COQ8B: variants seen among roughly 807,000 people sequenced by gnomAD.
COQ8B encodes the protein coenzyme Q8B.
COQ8B carries 44 observed loss-of-function variants against 62.0 expected under a neutral mutation model. The observed-to-expected ratio is 0.71, with a 90% CI of 0.56 to 0.91. COQ8B has a LOEUF of 0.91. Ranked by LOEUF, COQ8B falls within the 40% of genes least tolerant of loss-of-function variation. The pLI is 0.00. For missense variants in COQ8B, 649 were observed against 731.6 expected (o/e 0.89, Z 1.30); for synonymous variants, 252 against 289.9 (o/e 0.87, Z 1.33).
rs910035965 is a variant in COQ8B, at chr19:40,703,346, A to T, written c.799+195T>A. On this transcript the variant is annotated intron_variant, in intron 9 of 14. Coordinates refer to ENST00000324464, the MANE Select transcript of COQ8B (RefSeq NM_024876.4). ...TCCCGTCTCTCTAAGGCTCTGTTAA[A>T]ATCCATAAGGCTTTTCCCACACCTG... 2.0e-5 allele frequency: 12 copies of T among 596,122 alleles called. No individual in the cohort carries two copies. In the East Asian group the frequency reaches 3.5e-4, roughly 18 times the overall value. 36.9% of individuals were successfully genotyped at this position (596,122 alleles called of 1,614,324 possible).
At chr19:40,700,261 C>T in intron 11 of COQ8B, 49 bp downstream of exon 11, 1 of 1,610,792 alleles carries the variant, frequency 6.2e-7, no homozygotes, top group Non-Finnish European at 8.5e-7. Context: ...GAGCCTGGCC[C>T]ACCCGCCCTG....
intron 5 of COQ8B, among the ~76,000 whole-genome samples, chr19:40,708,656 G>A (rs1021273059): frequency 3.3e-5 from 5 of 152,056 alleles, no homozygotes; most frequent in Non-Finnish European, 5.9e-5. Context: ...GGCTGGGTGT[G>A]GTGGCTCATG....
At chr19:40,701,450 G>A (rs996352222) in intron 10 of COQ8B, 1 of 152,240 alleles carries the variant, frequency 6.6e-6, no homozygotes, top group African/African-American at 2.4e-5. Context: ...GGTGGTGTGG[G>A]GTTTTATCCT....
chr19:40,700,531 C>A, intron 10 of COQ8B, 80 bp from the exon 11 acceptor site: 1 of 1,520,074 alleles, frequency 6.6e-7, no homozygotes, highest in Non-Finnish European at 8.9e-7. Flanking sequence ...CTTGTGCTCT[C>A]AGAAGTCCTC....
chr19:40,693,865 G>A (rs2081993076), intron 13 of COQ8B, among the ~76,000 whole-genome samples: 1 of 147,878 alleles, frequency 6.8e-6, no homozygotes, highest in East Asian at 2.0e-4. Context: ...GGAGTAGGGA[G>A]TGGAACCGGG....
intron 13 of COQ8B, among the ~76,000 whole-genome samples, chr19:40,694,038 G>A (rs1218506467): frequency 6.6e-6 from 1 of 152,230 alleles, no homozygotes; most frequent in African/African-American, 2.4e-5. Context: ...TGCAGGCCTG[G>A]GTGGGAGGGG....
intron 7 of COQ8B, 199 bp downstream of exon 7, chr19:40,704,897 C>T (rs2082088452): frequency 1.8e-6 from 1 of 552,490 alleles, no homozygotes; most frequent in Non-Finnish European, 3.2e-6. Context: ...GGAACTGAAG[C>T]ACAGAGAGGT....
At chr19:40,712,833 T>C (rs2082152843) in intron 4 of COQ8B, among the ~76,000 whole-genome samples, 1 of 152,192 alleles carries the variant, frequency 6.6e-6, no homozygotes, top group South Asian at 2.1e-4. Flanking sequence ...TTTGTTAGCC[T>C]CAATGTCCTC....
chr19:40,707,585 C>T (rs1490801043), intron 5 of COQ8B, among the ~76,000 whole-genome samples: 1 of 152,104 alleles, frequency 6.6e-6, no homozygotes, highest in African/African-American at 2.4e-5. Flanking sequence ...ACCCAAGTAG[C>T]TGGGGTTACA....
At chr19:40,692,825 G>T in intron 14 of COQ8B, 126 bp downstream of exon 14, 1 of 759,258 alleles carries the variant, frequency 1.3e-6, no homozygotes, top group Non-Finnish European at 2.2e-6. Flanking sequence ...GCCCCTCCTA[G>T]AGTCCCCCAG....
At chr19:40,711,581 C>T (rs2082142255) in intron 4 of COQ8B, among the ~76,000 whole-genome samples, 1 of 152,192 alleles carries the variant, frequency 6.6e-6, no homozygotes, top group South Asian at 2.1e-4. Context: ...TTTGTCCTAT[C>T]TATCTAGATC....
chr19:40,714,313 G>A lies in COQ8B; in HGVS notation c.187C>T (p.Arg63Trp), dbSNP rs113358395. ...GGTGTCTTCCTGGGACGGGCCTCCC[G>A]TGCCCTGCGAATGTCCTCCTCACCC... ...GLGEEDIRRA[R>W]EARPRKTPRP... The change falls in exon 3 of 15, where the codon CGG (arginine) becomes TGG (tryptophan). Residue 63 changes from arginine (R) to tryptophan (W), a missense_variant. Physicochemically the swap from Arg to Trp is moderately radical, Grantham distance 101. Coordinates refer to ENST00000324464, the MANE Select transcript of COQ8B (RefSeq NM_024876.4). The A allele has an allele frequency of 4.9e-3, 7,879 of 1,613,906 alleles. 22 individuals are homozygous for A. The highest frequency in any genetic ancestry group is 5.8e-3 in the Non-Finnish European group (6,841 of 1,179,962).
intron 12 of COQ8B, among the ~76,000 whole-genome samples, chr19:40,699,263 G>C (rs570886145): frequency 6.6e-6 from 1 of 152,124 alleles, no homozygotes; most frequent in East Asian, 1.9e-4. Context: ...AGTGGCCTCA[G>C]CTTTAATGGC....
intron 12 of COQ8B, among the ~76,000 whole-genome samples, chr19:40,699,781 G>C (rs2082047225): frequency 6.6e-6 from 1 of 152,200 alleles, no homozygotes; most frequent in Non-Finnish European, 1.5e-5. Context: ...GATGAGCTTA[G>C]TGTATTTAGC....
chr19:40,696,899 C>A (rs1168648781), intron 12 of COQ8B, among the ~76,000 whole-genome samples: 3 of 152,206 alleles, frequency 2.0e-5, no homozygotes, highest in Non-Finnish European at 2.9e-5. Flanking sequence ...CTGTCGTTCT[C>A]CTGCAACTTG....
chr19:40,702,649 C>T lies in COQ8B; in HGVS notation c.844G>A (p.Ala282Thr). The T allele has an allele frequency of 1.2e-6, 2 of 1,612,036 alleles. No homozygotes were observed. The highest frequency in any genetic ancestry group is 1.1e-5 in the South Asian group (1 of 91,078). Residue 282 changes from alanine (A) to threonine (T), a missense_variant, in exon 10 of 15, where the codon GCT becomes ACT. By Grantham distance (58) the Ala-to-Thr change is moderately conservative. Coordinates refer to ENST00000324464, the MANE Select transcript of COQ8B (RefSeq NM_024876.4). ...QSLQALQQEL[A>T]WECDYRREAA... ...TCACGACGGTAGTCACACTCCCAAG[C>T]CAGCTCCTGCTGCAAGGCCTGCAGG...
chr19:40,709,896 T>A (rs1183790319), intron 5 of COQ8B, among the ~76,000 whole-genome samples, 163 bp downstream of exon 5: 1 of 151,954 alleles, frequency 6.6e-6, no homozygotes, highest in Non-Finnish European at 1.5e-5. Flanking sequence ...CTGATAGTGG[T>A]TTAGGCCTGT....
intron 1 of COQ8B, chr19:40,714,872 C>T (rs986003848): frequency 2.3e-6 from 3 of 1,312,844 alleles, no homozygotes; most frequent in South Asian, 2.0e-5. Flanking sequence ...TTGCTAGGGT[C>T]CGCCCCCGTT....
chr19:40,703,457 T>C (rs1053046045), intron 9 of COQ8B, 84 bp downstream of exon 9: 3 of 1,388,316 alleles, frequency 2.2e-6, no homozygotes, highest in African/African-American at 1.4e-5. Flanking sequence ...CTGCCCGTGC[T>C]CTCCTCTGGG....
Sources: gnomAD v4.1 joint callset for allele counts (sites outside exome capture counted in the v4.1 genomes callset) on GRCh38, gnomAD v4.1.1 for gene constraint, MANE v1.5 for transcripts, NCBI Gene and HGNC (gene_info 2026-07-23, HGNC 2026-07-21) for gene names.